Variants in CIDEA observed in about 807,000 individuals in gnomAD.
CIDEA encodes lipid transferase CIDEA.
CIDEA carries 10 observed loss-of-function variants against 18.2 expected under a neutral mutation model. The ratio of observed to expected loss-of-function variants is 0.55; its 90% CI spans 0.34 to 0.93. The LOEUF (loss-of-function observed/expected upper bound fraction) is 0.93. Ranked by LOEUF, CIDEA falls within the 40% of genes least tolerant of loss-of-function variation. The pLI is 0.02. For synonymous variants in CIDEA, 128 were observed against 124.8 expected (o/e 1.03, Z -0.17); for missense variants, 309 against 293.1 (o/e 1.05, Z -0.40).
intron 3 of CIDEA, among the ~76,000 whole-genome samples, chr18:12,266,222 C>T (rs1291086675): frequency 6.6e-6 from 1 of 151,818 alleles, no homozygotes; most frequent in Non-Finnish European, 1.5e-5. Context: ...CAGAGCAAGA[C>T]CCTATATCAA....
chr18:12,259,928 A>T (rs1277173836), intron 1 of CIDEA, among the ~76,000 whole-genome samples: 1 of 152,190 alleles, frequency 6.6e-6, no homozygotes, highest in Non-Finnish European at 1.5e-5. Context: ...ACTGCTGGCC[A>T]TGGTGCTTAG....
intron 1 of CIDEA, 109 bp downstream of exon 1, chr18:12,254,530 C>A: frequency 6.5e-7 from 1 of 1,535,898 alleles, no homozygotes; most frequent in South Asian, 1.2e-5. Flanking sequence ...CCCTTCAGCC[C>A]CCTGCTCCCC....
At chr18:12,265,365 G>C (rs542967611) in intron 3 of CIDEA, among the ~76,000 whole-genome samples, 1 of 152,382 alleles carries the variant, frequency 6.6e-6, no homozygotes, top group East Asian at 1.9e-4. Context: ...CACTGAAGCT[G>C]GCAGTTCCCC....
intron 3 of CIDEA, among the ~76,000 whole-genome samples, chr18:12,264,845 G>A (rs532235847): frequency 6.6e-6 from 1 of 152,310 alleles, no homozygotes; most frequent in South Asian, 2.1e-4. Context: ...GAGCCACCGC[G>A]CCCGGCCAAC....
rs374279339 is a variant in CIDEA at position 12,277,304 on chromosome 18, A to C, written c.*34A>C. ...GCTGTCGCCGGCTCTTGAGCCAAACACTGTGTTTCGTTTGGCTCAATGACG... is the reference window on the plus strand; with the variant it reads ...GCTGTCGCCGGCTCTTGAGCCAAACCCTGTGTTTCGTTTGGCTCAATGACG... On this transcript the variant is annotated 3_prime_UTR_variant, in exon 5 of 5. Coordinates refer to ENST00000320477, the MANE Select transcript of CIDEA (RefSeq NM_001279.4). 1 of 1,611,460 alleles carries C rather than the reference A, an allele frequency of 6.2e-7. No homozygotes were observed. Among genetic ancestry groups the C allele is most frequent in the Admixed American group, 1.7e-5 (1 of 59,976 alleles).
intron 1 of CIDEA, among the ~76,000 whole-genome samples, chr18:12,255,368 C>T (rs1912002726): frequency 6.6e-6 from 1 of 152,142 alleles, no homozygotes; most frequent in South Asian, 2.1e-4. Context: ...GGTCCGGCTA[C>T]GAAACGCAAT....
intron 1 of CIDEA, among the ~76,000 whole-genome samples, chr18:12,256,115 C>A (rs1018481091): frequency 6.6e-6 from 1 of 152,214 alleles, no homozygotes; most frequent in African/African-American, 2.4e-5. Context: ...GTGAAATCTA[C>A]CTGTTACCAA....
chr18:12,254,822 AG>A, intron 1 of CIDEA: 1 of 1,340,044 alleles, frequency 7.5e-7, no homozygotes. Context: ...CCGCGATGCG[AG>A]GGGACCGGGC....
At chr18:12,256,069 A>G (rs1051661272) in intron 1 of CIDEA, among the ~76,000 whole-genome samples, 1 of 152,210 alleles carries the variant, frequency 6.6e-6, no homozygotes, top group Non-Finnish European at 1.5e-5. Flanking sequence ...CATTCTGTGA[A>G]ATCTACCTGC....
intron 1 of CIDEA, among the ~76,000 whole-genome samples, chr18:12,256,299 C>T (rs1283136561): frequency 6.6e-6 from 1 of 152,194 alleles, no homozygotes. Context: ...TAATTTAAAC[C>T]AGGTCCAGGA....
At chr18:12,273,953 C>A in intron 3 of CIDEA, 140 bp from the exon 4 acceptor site, 1 of 827,698 alleles carries the variant, frequency 1.2e-6, no homozygotes, top group Non-Finnish European at 1.9e-6. Flanking sequence ...CTGAAAGCAT[C>A]TCTCTATCGA....
intron 3 of CIDEA, among the ~76,000 whole-genome samples, chr18:12,273,325 G>T (rs1912603945): frequency 6.6e-6 from 1 of 151,982 alleles, no homozygotes; most frequent in South Asian, 2.1e-4. Flanking sequence ...AATCCTGAGT[G>T]CTGCAAGATC....
chr18:12,267,576 C>A (rs941720735), intron 3 of CIDEA, among the ~76,000 whole-genome samples: 2 of 152,198 alleles, frequency 1.3e-5, no homozygotes, highest in African/African-American at 4.8e-5. Context: ...TCACTGCAAC[C>A]TCTGCCTCCC....
chr18:12,262,763 A>G (rs1003605021), intron 1 of CIDEA, 62 bp from the exon 2 acceptor site: 95 of 1,462,074 alleles, frequency 6.5e-5, no homozygotes, highest in Non-Finnish European at 8.7e-5. Context: ...ATTTTTATGT[A>G]CTTTCACACT....
intron 1 of CIDEA, 99 bp from the exon 2 acceptor site, chr18:12,262,726 T>C (rs1912226447): frequency 8.6e-7 from 1 of 1,159,478 alleles, no homozygotes; most frequent in South Asian, 1.4e-5. Context: ...ATTTCTTTCT[T>C]TTAGATGCAA....
chr18:12,268,390 T>TA (rs963883223), intron 3 of CIDEA, among the ~76,000 whole-genome samples: 7 of 150,386 alleles, frequency 4.7e-5, no homozygotes, highest in Non-Finnish European at 8.9e-5. Flanking sequence ...GTTTTTTTTT[T>TA]TTTTTAATTT....
rs1011952807 is a variant in CIDEA at position 12,255,024 on chromosome 18, G to C, written c.38+603G>C. On this transcript the variant is annotated intron_variant, in intron 1 of 4. Transcript: ENST00000320477. ...CAAGGGCGGAGACGCTGCCTGGGGA[G>C]CAGGGGGGACAAGGGGCGGGTGGAC... The C allele has an allele frequency of 6.8e-6, 7 of 1,033,254 alleles. No homozygotes were observed. In the Admixed American group the frequency reaches 2.2e-4, roughly 33 times the overall value. 64.0% of individuals were successfully genotyped at this position (1,033,254 alleles called of 1,614,324 possible). A position where few individuals can be genotyped will look rare whatever the true frequency, so the allele number is the denominator to read the frequency against.
At position 12,260,283 on chromosome 18, in the gene CIDEA, C is replaced by T. The variant is rs200530684; in HGVS notation, c.39-2542C>T. The stretch of plus-strand genomic sequence containing the variant: ...GCCCCAATCTAGGGCTCGAGCAATC[C>T]CCTTGCCTCAGCCTCCCAAGTAGCT... On this transcript the variant is annotated intron_variant, in intron 1 of 4. Transcript: ENST00000320477. Among the ~76,000 whole-genome samples, 60 of 152,206 alleles carry T rather than the reference C, an allele frequency of 3.9e-4. No homozygotes were observed. In the East Asian group the frequency reaches 6.0e-3, roughly 15 times the overall value.
chr18:12,266,654 G>A (rs1024621003), intron 3 of CIDEA, among the ~76,000 whole-genome samples: 6 of 152,188 alleles, frequency 3.9e-5, no homozygotes, highest in East Asian at 1.9e-4. Context: ...AGCAGTAGAG[G>A]TGGGGAACAC....
Sources: gnomAD v4.1 joint callset for allele counts (sites outside exome capture counted in the v4.1 genomes callset) on GRCh38, gnomAD v4.1.1 for gene constraint, MANE v1.5 for transcripts, NCBI Gene and HGNC (gene_info 2026-07-23, HGNC 2026-07-21) for gene names.